MTA3: variants seen among roughly 807,000 people sequenced by gnomAD.
MTA3 encodes metastasis-associated protein MTA3.
A neutral mutation model predicts 83.5 loss-of-function variants in MTA3; 34 were observed. That is an observed-to-expected ratio of 0.41 (90% CI 0.31 to 0.54). The LOEUF is 0.54. MTA3 is among the 20% of genes least tolerant of loss of function. The pLI is 0.33. For missense variants in MTA3, 761 were observed against 726.4 expected, an observed-to-expected ratio of 1.05 and a Z score of -0.55; for synonymous variants, 303 against 252.7, an observed-to-expected ratio of 1.20 and a Z score of -1.89.
intron 4 of MTA3, among the ~76,000 whole-genome samples, chr2:42,611,341 C>CACACACACACACACACACA (rs1462110821): frequency 8.7e-5 from 13 of 149,634 alleles, no homozygotes; most frequent in South Asian, 4.2e-4. Context: ...ACACACACAC[C>CACACACACACACACACACA]CCCTCACACA....
intron 8 of MTA3, among the ~76,000 whole-genome samples, chr2:42,667,001 C>T (rs528678597): frequency 6.6e-6 from 1 of 152,146 alleles, no homozygotes; most frequent in Admixed American, 6.5e-5. Context: ...TATTATATCC[C>T]CAGAGCTGTA....
intron 16 of MTA3, among the ~76,000 whole-genome samples, chr2:42,741,513 C>G (rs950246274): frequency 1.3e-5 from 2 of 152,114 alleles, no homozygotes. Context: ...GTGAGAGATA[C>G]CCTTCTTTTC....
At chr2:42,589,621 C>G (rs908111198) in intron 3 of MTA3, among the ~76,000 whole-genome samples, 1 of 152,132 alleles carries the variant, frequency 6.6e-6, no homozygotes, top group Non-Finnish European at 1.5e-5. Flanking sequence ...GGTGCCATCT[C>G]GGCTTACTGC....
Position 42,548,878 on chromosome 2 carries a change from T to TATATATATATATATATA in MTA3, c.-140-21545_-140-21544insATAATATATATATATAT, listed in dbSNP as rs1676932932. Among the ~76,000 whole-genome samples the TATATATATATATATATA allele has an allele frequency of 1.3e-3, 15 of 11,290 alleles. 1 individual carries two copies. Among genetic ancestry groups the TATATATATATATATATA allele is most frequent in the Non-Finnish European group, 1.8e-3 (13 of 7,286 alleles). 7.4% of individuals were successfully genotyped at this position (11,290 alleles called of 152,430 possible). On this transcript the variant is annotated intron_variant, in intron 2 of 17. Transcript: ENST00000405592. ...ATATATAATATATATATATATATAA[T>TATATATATATATATATA]ATATATATATATATCAGCGGGCACG...
intron 3 of MTA3, among the ~76,000 whole-genome samples, chr2:42,588,367 A>G (rs1680581332): frequency 6.6e-6 from 1 of 152,174 alleles, no homozygotes; most frequent in Admixed American, 6.6e-5. Flanking sequence ...ACTGGTGATG[A>G]GTGGTGAACA....
intron 2 of MTA3, among the ~76,000 whole-genome samples, chr2:42,515,134 C>G (rs1430778628): frequency 1.3e-5 from 2 of 152,136 alleles, no homozygotes; most frequent in South Asian, 2.1e-4. Flanking sequence ...TCTCGGCTCA[C>G]TGCCAGCTCT....
In MTA3 at chr2:42,754,870, C is replaced by T. The variant is rs1670131849; in HGVS notation, c.*1471C>T. ...AGCTCCGCTTGGCAGAGAGAGCGTG[C>T]TGTGTGAGGTGGAGGGCGGTTTTGC... On this transcript the variant is annotated 3_prime_UTR_variant, in exon 17 of 17. Coordinates refer to ENST00000405094, the MANE Select transcript of MTA3 (RefSeq NM_001330442.2). 2 of 985,422 alleles carry T rather than the reference C, an allele frequency of 2.0e-6. No individual in the cohort carries two copies. Among genetic ancestry groups the T allele is most frequent in the African/African-American group, 1.7e-5 (1 of 57,218 alleles). 61.0% of individuals were successfully genotyped at this position (985,422 alleles called of 1,614,324 possible).
Position 42,754,232 on chromosome 2 carries a change from TGAA to T in MTA3, c.*837_*839del, listed in dbSNP as rs1442286107. On this transcript the variant is annotated 3_prime_UTR_variant, in exon 17 of 17. Coordinates refer to ENST00000405094, the MANE Select transcript of MTA3 (RefSeq NM_001330442.2). ...GTTCCCTTGCAGCCAAACCAGCTGA[TGAA>T]GAACTGCTGCCAGGTGGGTCCTACA... is the stretch of plus-strand genomic sequence containing the variant. The T allele has an allele frequency of 6.0e-5, 59 of 985,368 alleles. No individual in the cohort carries two copies. The highest frequency in any genetic ancestry group is 6.5e-5 in the Non-Finnish European group (54 of 829,978). The allele number at this position is 985,368 out of a possible 1,614,324, so 61.0% of individuals were successfully genotyped here. A position where few individuals can be genotyped will look rare whatever the true frequency, so the allele number is the denominator to read the frequency against.
intron 8 of MTA3, among the ~76,000 whole-genome samples, chr2:42,662,332 A>T (rs1375954060): frequency 1.3e-5 from 2 of 151,666 alleles, no homozygotes. Context: ...ATATTTATAT[A>T]TATAAATTTA....
chr2:42,640,251 T>C lies in MTA3; in HGVS notation c.381+15T>C. ...TTGATAAGGAGGTAATTCACAATCA[T>C]AGTTGTTTTGTTTTTTTCTCCCTTT... On this transcript the variant is annotated intron_variant, in intron 5 of 16. Transcript: ENST00000405094. 6.3e-7 allele frequency: 1 copy of C among 1,579,082 alleles called. No individual in the cohort carries two copies. Among genetic ancestry groups the C allele is most frequent in the Non-Finnish European group, 8.6e-7 (1 of 1,162,140 alleles).
chr2:42,703,776 G>C (rs1665812971), intron 11 of MTA3: 1 of 156,876 alleles, frequency 6.4e-6, no homozygotes, highest in African/African-American at 2.4e-5. Flanking sequence ...TGTAATCCCA[G>C]CTACTAGGGA....
intron 5 of MTA3, among the ~76,000 whole-genome samples, chr2:42,642,271 T>G (rs1321925692): frequency 6.6e-6 from 1 of 152,162 alleles, no homozygotes; most frequent in African/African-American, 2.4e-5. Flanking sequence ...CATCTTATTA[T>G]ATTGTAGAGT....
intron 8 of MTA3, among the ~76,000 whole-genome samples, chr2:42,675,006 G>A (rs1282854493): frequency 6.6e-6 from 1 of 151,810 alleles, no homozygotes; most frequent in Non-Finnish European, 1.5e-5. Context: ...TTAATGCTGA[G>A]GCTGGTCTCG....
intron 4 of MTA3, among the ~76,000 whole-genome samples, chr2:42,611,607 G>T (rs981632209): frequency 5.3e-5 from 8 of 152,166 alleles, no homozygotes; most frequent in African/African-American, 1.9e-4. Context: ...CATGATGCCA[G>T]TAGTTTGAGC....
At chr2:42,596,291 C>T (rs552776825) in intron 3 of MTA3, among the ~76,000 whole-genome samples, 1 of 152,362 alleles carries the variant, frequency 6.6e-6, no homozygotes, top group South Asian at 2.1e-4. Context: ...TGAGTCCTTA[C>T]TCTGCCCTTG....
chr2:42,539,670 T>C (rs1676432975), intron 2 of MTA3, among the ~76,000 whole-genome samples: 1 of 142,836 alleles, frequency 7.0e-6, no homozygotes, highest in South Asian at 2.4e-4. Context: ...CAGCCTCAAC[T>C]GCCTGGACTC....
intron 2 of MTA3, among the ~76,000 whole-genome samples, chr2:42,574,673 G>T (rs1308323332): frequency 6.7e-6 from 1 of 148,166 alleles, no homozygotes; most frequent in Non-Finnish European, 1.5e-5. Flanking sequence ...TGATCCACCC[G>T]CCTTGGCCTC....
At chr2:42,752,401 C>CT (rs368053391) in intron 16 of MTA3, 2 of 388,888 alleles carry the variant, frequency 5.1e-6, no homozygotes, top group South Asian at 1.9e-5. Flanking sequence ...AACAACCCCA[C>CT]TTCCCTCCTA....
chr2:42,749,182 T>A (rs1669673089), intron 16 of MTA3, among the ~76,000 whole-genome samples: 1 of 152,194 alleles, frequency 6.6e-6, no homozygotes, highest in Non-Finnish European at 1.5e-5. Context: ...CCCTTCTGTG[T>A]CTCCTTCCTC....
Sources: gnomAD v4.1 joint callset for allele counts (sites outside exome capture counted in the v4.1 genomes callset) on GRCh38, gnomAD v4.1.1 for gene constraint, MANE v1.5 for transcripts, NCBI Gene and HGNC (gene_info 2026-07-23, HGNC 2026-07-21) for gene names.